SLC26A7: variants seen among roughly 807,000 people sequenced by gnomAD.
SLC26A7 encodes the protein anion exchange transporter.
A neutral mutation model predicts 82.5 loss-of-function variants in SLC26A7; 59 were observed. That is an observed-to-expected ratio of 0.72 (90% CI 0.58 to 0.89). The LOEUF (loss-of-function observed/expected upper bound fraction) is 0.89, where lower values mean the gene tolerates loss of function less well. Among genes scored for constraint, SLC26A7 ranks in the 40% least tolerant of loss-of-function variants. SLC26A7 has a pLI of 0.00. For missense variants in SLC26A7, 820 were observed against 793.0 expected (o/e 1.03, Z -0.41); for synonymous variants, 271 against 274.3 (o/e 0.99, Z 0.12).
chr8:91,224,013 T>G (rs190874089), intron 2 of SLC26A7, among the ~76,000 whole-genome samples: 3 of 152,070 alleles, frequency 2.0e-5, no homozygotes, highest in African/African-American at 7.2e-5. Flanking sequence ...TGTGCTGTGT[T>G]TTTTTAGCTC....
intron 2 of SLC26A7, among the ~76,000 whole-genome samples, chr8:91,257,288 G>A (rs1427905834): frequency 6.6e-6 from 1 of 152,104 alleles, no homozygotes; most frequent in African/African-American, 2.4e-5. Context: ...CAGATGAAAT[G>A]TTTGAATGAA....
intron 2 of SLC26A7, among the ~76,000 whole-genome samples, chr8:91,253,783 C>T (rs902163675): frequency 5.3e-5 from 8 of 152,066 alleles, no homozygotes; most frequent in Non-Finnish European, 1.2e-4. Flanking sequence ...CTTGCTACAA[C>T]TCTTTCCACA....
chr8:91,392,105 C>G (rs958752071), intron 16 of SLC26A7, among the ~76,000 whole-genome samples: 1 of 152,138 alleles, frequency 6.6e-6, no homozygotes, highest in Non-Finnish European at 1.5e-5. Flanking sequence ...GATCAATCAA[C>G]TGATGCAATT....
At chr8:91,364,134 TTTG>T (rs1814126664) in intron 13 of SLC26A7, among the ~76,000 whole-genome samples, 1 of 152,118 alleles carries the variant, frequency 6.6e-6, no homozygotes, top group Admixed American at 6.6e-5. Context: ...TTAATTGTAG[TTTG>T]TTGTTCTAAG....
At chr8:91,353,176 T>A (rs945420526) in intron 11 of SLC26A7, among the ~76,000 whole-genome samples, 180 bp downstream of exon 11, 1 of 152,164 alleles carries the variant, frequency 6.6e-6, no homozygotes, top group African/African-American at 2.4e-5. Flanking sequence ...TGTCTTCATA[T>A]GAAACAGAAA....
intron 2 of SLC26A7, among the ~76,000 whole-genome samples, 167 bp downstream of exon 2, chr8:91,250,011 T>G (rs1810615619): frequency 6.6e-6 from 1 of 152,144 alleles, no homozygotes; most frequent in African/African-American, 2.4e-5. Context: ...CCTAATTGTC[T>G]TTTTTCCTCT....
chr8:91,347,216 G>T (rs1813586491), intron 9 of SLC26A7, among the ~76,000 whole-genome samples: 1 of 152,138 alleles, frequency 6.6e-6, no homozygotes, highest in Non-Finnish European at 1.5e-5. Flanking sequence ...GACTGGTCAG[G>T]CTGGACAGTT....
chr8:91,373,245 C>A (rs191701093), intron 15 of SLC26A7, among the ~76,000 whole-genome samples: 1 of 151,976 alleles, frequency 6.6e-6, no homozygotes, highest in East Asian at 1.9e-4. Flanking sequence ...CTCTGGCTAG[C>A]ACTTCCAGTA....
intron 2 of SLC26A7, among the ~76,000 whole-genome samples, chr8:91,262,840 G>C (rs955978188): frequency 2.0e-5 from 3 of 151,936 alleles, no homozygotes; most frequent in African/African-American, 7.2e-5. Context: ...CTTGAAGGTT[G>C]TTGAATAAAG....
At chr8:91,343,610 TTC>T (rs937361129) in intron 9 of SLC26A7, 144 bp downstream of exon 9, 1 of 566,976 alleles carries the variant, frequency 1.8e-6, no homozygotes, top group Non-Finnish European at 3.0e-6. Flanking sequence ...AAGAAAGTCC[TTC>T]TCTCTCTCAT....
At chr8:91,273,765 C>T (rs868544899) in intron 2 of SLC26A7, among the ~76,000 whole-genome samples, 3 of 152,104 alleles carry the variant, frequency 2.0e-5, no homozygotes, top group Non-Finnish European at 2.9e-5. Context: ...TCTTATCTTC[C>T]GATAACACTT....
At position 91,334,303 on chromosome 8, in the gene SLC26A7, A is replaced by G. The variant is rs763520724; in HGVS notation, c.651A>G (p.Ala217=). 29 of 1,609,684 alleles carry G rather than the reference A, an allele frequency of 1.8e-5. No homozygotes were observed. The highest frequency in any genetic ancestry group is 2.5e-5 in the Non-Finnish European group (29 of 1,178,166). The change falls in exon 6 of 19, where the codon GCA becomes GCG. Residue 217 remains alanine, a synonymous_variant. Coordinates refer to ENST00000276609, the MANE Select transcript of SLC26A7 (RefSeq NM_052832.4). ...TTTTCTCATTACTGTAGATTTATGC[A>G]TATGTTTTTGAAAACATCAAGTCTG... ...SGPLGFFYIY[A]YVFENIKSVR...
intron 11 of SLC26A7, among the ~76,000 whole-genome samples, chr8:91,356,902 A>C (rs1368456587): frequency 6.6e-6 from 1 of 152,128 alleles, no homozygotes; most frequent in Non-Finnish European, 1.5e-5. Context: ...AACATAGGAG[A>C]GCAGGAGGTC....
Position 91,318,269 on chromosome 8 carries a change from T to C in SLC26A7, c.531T>C (p.Pro177=), listed in dbSNP as rs770517571. Residue 177 remains proline (P), a synonymous_variant, in exon 5 of 19, where the codon CCT becomes CCC. Transcript: ENST00000276609. ...LGSATFVVTE[P]VISAMTTGAA... is the part of the protein sequence containing the mutation. ...GTGCCACATTTGTGGTCACAGAGCCTGTGATCAGCGCAATGACAACTGGGG... is the reference window on the plus strand; with the variant it reads ...GTGCCACATTTGTGGTCACAGAGCCCGTGATCAGCGCAATGACAACTGGGG... The C allele has an allele frequency of 3.7e-6, 6 of 1,610,282 alleles. No individual in the cohort carries two copies. The highest frequency in any genetic ancestry group is 1.3e-5 in the African/African-American group (1 of 74,774).
At position 91,352,011 on chromosome 8, in the gene SLC26A7, A is replaced by C. The variant is rs958798877; in HGVS notation, c.1218+124A>C. 4 of 790,608 alleles carry C rather than the reference A, an allele frequency of 5.1e-6. No individual in the cohort carries two copies. The Admixed American group carries it at 8.8e-5, about 17-fold the overall frequency. 49.0% of individuals were successfully genotyped at this position (790,608 alleles called of 1,614,324 possible). On this transcript the variant is annotated intron_variant, in intron 10 of 18. Transcript: ENST00000276609. ...ATGTAGAAACCATGTTACAGAAGTA[A>C]AGTTTGAATGGGGGAGGTGTGGAAA...
intron 2 of SLC26A7, among the ~76,000 whole-genome samples, chr8:91,284,798 A>C (rs1047896533): frequency 6.6e-6 from 1 of 152,222 alleles, no homozygotes; most frequent in African/African-American, 2.4e-5. Context: ...AATTTAAATG[A>C]TATTATAGAG....
chr8:91,218,558 C>A lies in SLC26A7; in HGVS notation c.-149-332C>A, dbSNP rs1173936437. On this transcript the variant is annotated intron_variant, in intron 1 of 5. Coordinates refer to the SLC26A7 transcript ENST00000522862. ...TATTTGCTGATTGATCAATTTAATA[C>A]CCCTGAAGGACAAAAGTCAGGTTCA... Among the ~76,000 whole-genome samples the A allele has an allele frequency of 3.9e-5, 6 of 152,206 alleles. No homozygotes were observed. In the East Asian group the frequency reaches 9.7e-4, roughly 24 times the overall value.
chr8:91,231,168 G>A (rs1051065435), intron 2 of SLC26A7, among the ~76,000 whole-genome samples: 2 of 152,172 alleles, frequency 1.3e-5, no homozygotes, highest in South Asian at 2.1e-4. Flanking sequence ...GGGAAATTAA[G>A]GATGCTAACT....
At chr8:91,390,137 G>C (rs1814917500) in intron 16 of SLC26A7, among the ~76,000 whole-genome samples, 1 of 146,456 alleles carries the variant, frequency 6.8e-6, no homozygotes, top group Admixed American at 6.8e-5. Context: ...CTGAGACGGA[G>C]TCTCGCTCTA....
Sources: allele counts gnomAD v4.1 joint callset (sites outside exome capture counted in the v4.1 genomes callset), GRCh38; gene constraint gnomAD v4.1.1; transcripts MANE v1.5; gene names NCBI Gene and HGNC (gene_info 2026-07-23, HGNC 2026-07-21).